WWOX: variants seen among roughly 807,000 people sequenced by gnomAD.
WWOX encodes WW domain-containing oxidoreductase.
WWOX carries 69 observed loss-of-function variants against 46.2 expected under a neutral mutation model. The observed-to-expected ratio is 1.49, with a 90% confidence interval of 1.23 to 1.82. The LOEUF is 1.82. Among genes scored for constraint, WWOX ranks in the 40% most tolerant of loss-of-function variants. The pLI, the probability that WWOX is intolerant of heterozygous loss-of-function variation, is 0.00. For missense variants in WWOX, 919 were observed against 542.6 expected, an observed-to-expected ratio of 1.69 and a Z score of -6.89; for synonymous variants, 359 against 202.6, an observed-to-expected ratio of 1.77 and a Z score of -6.56.
At chr16:78,267,236 C>T (rs1457162217) in intron 5 of WWOX, 2 of 152,196 alleles carry the variant, frequency 1.3e-5, no homozygotes, top group African/African-American at 4.8e-5. Flanking sequence ...TGTACCCACA[C>T]ACACGTAATT....
At chr16:78,518,316 C>T (rs2043281108) in intron 8 of WWOX, among the ~76,000 whole-genome samples, 1 of 152,140 alleles carries the variant, frequency 6.6e-6, no homozygotes, top group South Asian at 2.1e-4. Flanking sequence ...ACCGCAGCCT[C>T]CGCCTCCTGG....
At chr16:79,049,834 CAAAAA>C (rs34371278) in intron 8 of WWOX, among the ~76,000 whole-genome samples, 33 of 78,694 alleles carry the variant, frequency 4.2e-4, no homozygotes, top group African/African-American at 1.2e-3. Flanking sequence ...GACTCTGTCT[CAAAAA>C]AAAAAAAAAA....
At chr16:79,122,182 C>G (rs889689757) in intron 8 of WWOX, among the ~76,000 whole-genome samples, 1 of 152,222 alleles carries the variant, frequency 6.6e-6, no homozygotes, top group African/African-American at 2.4e-5. Flanking sequence ...TGCTTCTAAA[C>G]CTCTGTGAAG....
chr16:78,684,147 A>C (rs567948304), intron 8 of WWOX, among the ~76,000 whole-genome samples: 6 of 152,222 alleles, frequency 3.9e-5, no homozygotes, highest in African/African-American at 1.4e-4. Flanking sequence ...CTGCTGCAAC[A>C]GGCTTAGAGT....
At chr16:78,100,104 C>T (rs2031662189) in intron 1 of WWOX, 1 of 1,373,344 alleles carries the variant, frequency 7.3e-7, no homozygotes, top group Non-Finnish European at 9.4e-7. Context: ...GGCTTCCCGG[C>T]GCGCCCTCTG....
At chr16:78,451,172 T>A (rs1452341523) in intron 8 of WWOX, among the ~76,000 whole-genome samples, 1 of 152,084 alleles carries the variant, frequency 6.6e-6, no homozygotes, top group African/African-American at 2.4e-5. Flanking sequence ...CCAAAGCCAT[T>A]TTTTTTAAAA....
At chr16:78,611,506 T>G (rs74029594) in intron 8 of WWOX, among the ~76,000 whole-genome samples, 6,618 of 152,274 alleles carry the variant, frequency 0.043, 508 homozygotes, top group African/African-American at 0.15. Context: ...GCCCTCCTCC[T>G]TCCCACAGAC....
intron 8 of WWOX, among the ~76,000 whole-genome samples, chr16:78,775,725 G>T (rs942703922): frequency 1.3e-5 from 2 of 152,154 alleles, no homozygotes; most frequent in Non-Finnish European, 2.9e-5. Context: ...TCAATGGTGG[G>T]TATTATTATA....
At chr16:78,383,322 C>G (rs370824227) in intron 5 of WWOX, among the ~76,000 whole-genome samples, 1 of 151,994 alleles carries the variant, frequency 6.6e-6, no homozygotes, top group East Asian at 1.9e-4. Flanking sequence ...ATGGGGGAAG[C>G]TGGATGATGG....
intron 8 of WWOX, among the ~76,000 whole-genome samples, chr16:78,842,052 C>T (rs929223896): frequency 6.6e-6 from 1 of 152,082 alleles, no homozygotes. Flanking sequence ...TTCAAGGGGA[C>T]CAGGAGGATC....
intron 8 of WWOX, among the ~76,000 whole-genome samples, chr16:78,807,321 A>G (rs1354590909): frequency 6.6e-6 from 1 of 152,250 alleles, no homozygotes; most frequent in Non-Finnish European, 1.5e-5. Context: ...AAGTGTTTAC[A>G]GATGCCAGTG....
At chr16:78,947,736 C>T (rs1251653390) in intron 8 of WWOX, among the ~76,000 whole-genome samples, 2 of 152,170 alleles carry the variant, frequency 1.3e-5, no homozygotes, top group African/African-American at 4.8e-5. Flanking sequence ...AATGTGCCAC[C>T]TAGATGCTAT....
intron 8 of WWOX, among the ~76,000 whole-genome samples, chr16:78,523,459 A>C (rs2043392186): frequency 6.6e-6 from 1 of 152,178 alleles, no homozygotes; most frequent in African/African-American, 2.4e-5. Context: ...ATGTTTGGGG[A>C]GCTGAAGGTC....
At chr16:78,802,669 A>G (rs1032149396) in intron 8 of WWOX, among the ~76,000 whole-genome samples, 1 of 151,870 alleles carries the variant, frequency 6.6e-6, no homozygotes, top group African/African-American at 2.4e-5. Context: ...TAATCCCAGC[A>G]CTTTGAGAGG....
At chr16:78,357,997 G>T (rs550577107) in intron 5 of WWOX, among the ~76,000 whole-genome samples, 17 of 152,250 alleles carry the variant, frequency 1.1e-4, no homozygotes, top group African/African-American at 3.6e-4. Context: ...CCGGAGATGT[G>T]GAGCTGTGCA....
At chr16:78,503,680 T>C (rs373644729) in intron 8 of WWOX, 15 of 152,282 alleles carry the variant, frequency 9.9e-5, no homozygotes, top group African/African-American at 3.6e-4. Context: ...TATGCATGAT[T>C]TCACCACCAG....
chr16:78,844,793 G>A (rs1379108683), intron 8 of WWOX, among the ~76,000 whole-genome samples: 1 of 152,140 alleles, frequency 6.6e-6, no homozygotes, highest in Non-Finnish European at 1.5e-5. Context: ...TGTATCCCCG[G>A]CCAGAGTTGG....
chr16:78,155,269 A>G (rs1026007371), intron 4 of WWOX, among the ~76,000 whole-genome samples: 2 of 151,764 alleles, frequency 1.3e-5, no homozygotes, highest in Admixed American at 1.3e-4. Context: ...AAAGGAAGGA[A>G]GGGAAAGGGA....
intron 8 of WWOX, among the ~76,000 whole-genome samples, chr16:78,908,581 G>T (rs182633085): frequency 6.6e-6 from 1 of 152,042 alleles, no homozygotes. Context: ...AGCTGGCTGT[G>T]TGGGAGACCA....
Sources: allele counts gnomAD v4.1 joint callset (sites outside exome capture counted in the v4.1 genomes callset), GRCh38; gene constraint gnomAD v4.1.1; transcripts MANE v1.5; gene names NCBI Gene and HGNC (gene_info 2026-07-23, HGNC 2026-07-21).